Variants in TCF3 observed in about 807,000 individuals in gnomAD.
TCF3 encodes the protein transcription factor E2-alpha.
Under a neutral mutation model 72.3 loss-of-function variants are expected in TCF3, and 54 were observed. The ratio of observed to expected loss-of-function variants is 0.75; its 90% confidence interval spans 0.60 to 0.94. The LOEUF (loss-of-function observed/expected upper bound fraction) is 0.94. TCF3 is among the 40% of genes least tolerant of loss of function. TCF3 has a pLI of 0.00. For missense variants in TCF3, 1,078 were observed against 934.4 expected, an observed-to-expected ratio of 1.15 and a Z score of -2.00; for synonymous variants, 525 against 412.6, an observed-to-expected ratio of 1.27 and a Z score of -3.30.
chr19:1,636,696 C>A (rs1218034259), intron 3 of TCF3, among the ~76,000 whole-genome samples: 1 of 152,138 alleles, frequency 6.6e-6, no homozygotes, highest in African/African-American at 2.4e-5. Flanking sequence ...GTCGTGTCTT[C>A]TTGGTCAGGG....
At chr19:1,620,102 C>G (rs561672338) in intron 13 of TCF3, among the ~76,000 whole-genome samples, 1 of 152,268 alleles carries the variant, frequency 6.6e-6, no homozygotes, top group Admixed American at 6.5e-5. Context: ...ATCCAACTCC[C>G]CACTCAGAGG....
At chr19:1,619,725 T>C in intron 14 of TCF3, 55 bp downstream of exon 14, 1 of 1,288,134 alleles carries the variant, frequency 7.8e-7, no homozygotes, top group Non-Finnish European at 1.0e-6. Flanking sequence ...TCAAGGAGCG[T>C]CTGTCCTGCA....
rs1198119114 is a variant in TCF3, at chr19:1,619,949, C to A, written c.1094-96G>T. The A allele has an allele frequency of 2.7e-6, 3 of 1,129,632 alleles. No individual in the cohort carries two copies. The African/African-American group carries it at 4.6e-5, about 17-fold the overall frequency. 70.0% of individuals were successfully genotyped at this position (1,129,632 alleles called of 1,614,324 possible). A position where few individuals can be genotyped will look rare whatever the true frequency, so the allele number is the denominator to read the frequency against. ...GGGATTCATGAACCACCCCGCCTGT[C>A]CAGCCTCCGGTGATGCCCAAGATGG... On this transcript the variant is annotated intron_variant, in intron 13 of 18. Transcript: ENST00000262965.
intron 2 of TCF3, among the ~76,000 whole-genome samples, chr19:1,648,109 A>G (rs934697903): frequency 6.6e-6 from 1 of 152,214 alleles, no homozygotes; most frequent in Non-Finnish European, 1.5e-5. Context: ...GGGTCAGGGC[A>G]GGACAAAGGC....
intron 5 of TCF3, among the ~76,000 whole-genome samples, chr19:1,630,794 C>A (rs1217701263): frequency 6.6e-5 from 10 of 152,164 alleles, no homozygotes; most frequent in Admixed American, 3.3e-4. Flanking sequence ...TACCAGCCCC[C>A]CAAGCAGCGG....
In TCF3 at chr19:1,622,017, C is replaced by A. The variant is rs895245518; in HGVS notation, c.822+37G>T. 7 of 1,593,646 alleles carry A rather than the reference C, an allele frequency of 4.4e-6. No individual in the cohort carries two copies. In the Admixed American group the frequency reaches 5.2e-5, roughly 12 times the overall value. On this transcript the variant is annotated intron_variant, in intron 10 of 18. Coordinates refer to ENST00000262965, the MANE Select transcript of TCF3 (RefSeq NM_003200.5). ...GGGTGGGTTAGATGGGCACTGCCAC[C>A]CTCCGCCCACCCCCTGCCCCCTGCC...
chr19:1,650,172 C>G lies in TCF3; in HGVS notation c.72+5G>C. ...GTCGGGGGCTGGGCGGGGGTCCTGG[C>G]TCACCATGCTGAAGTCCAGGAGGTC... On this transcript the variant is annotated splice_donor_5th_base_variant and intron_variant, in intron 2 of 18. Coordinates refer to ENST00000262965, the MANE Select transcript of TCF3 (RefSeq NM_003200.5). The G allele has an allele frequency of 6.4e-7, 1 of 1,566,012 alleles. No individual in the cohort carries two copies. The highest frequency in any genetic ancestry group is 8.6e-7 in the Non-Finnish European group (1 of 1,156,708).
At position 1,631,245 on chromosome 19, in the gene TCF3, G is replaced by A. The variant is rs148393427; in HGVS notation, c.298+793C>T. Among the ~76,000 whole-genome samples, 1,143 of 151,118 alleles carry A rather than the reference G, an allele frequency of 7.6e-3. 12 individuals carry two copies. The highest frequency in any genetic ancestry group is 0.013 in the Non-Finnish European group (857 of 67,450). ...TTGCCCAGGTTCCGTGGTGGGGTGGGACCAGACACCAGGCCTGAGTCTTCA... is the reference window on the plus strand; with the variant it reads ...TTGCCCAGGTTCCGTGGTGGGGTGGAACCAGACACCAGGCCTGAGTCTTCA... On this transcript the variant is annotated intron_variant, in intron 5 of 18. Coordinates refer to ENST00000262965, the MANE Select transcript of TCF3 (RefSeq NM_003200.5).
In TCF3 at chr19:1,650,259, C is replaced by G. The variant is rs114650053; in HGVS notation, c.-11G>C. The G allele has an allele frequency of 1.7e-3, 2,605 of 1,556,646 alleles. 38 individuals carry two copies. The African/African-American group carries it at 0.032, about 19-fold the overall frequency. ...CTGCGGCTGGTTCATTCTCCTGGGG[C>G]CAGGGCGGGCACCTCAGGCCTGGAA... On this transcript the variant is annotated 5_prime_UTR_variant, in exon 2 of 19. Coordinates refer to ENST00000262965, the MANE Select transcript of TCF3 (RefSeq NM_003200.5).
intron 3 of TCF3, among the ~76,000 whole-genome samples, chr19:1,642,182 G>A (rs1473287270): frequency 3.5e-5 from 5 of 143,734 alleles, no homozygotes; most frequent in Non-Finnish European, 6.1e-5. Flanking sequence ...GTACACACAC[G>A]CACGCAGACA....
At chr19:1,622,592 T>C (rs915055383) in intron 8 of TCF3, among the ~76,000 whole-genome samples, 177 bp from the exon 9 acceptor site, 7 of 152,090 alleles carry the variant, frequency 4.6e-5, no homozygotes, top group Non-Finnish European at 1.0e-4. Context: ...GAGGTTCTTA[T>C]GATGTCCTGG....
At chr19:1,633,280 C>T (rs1245187986) in intron 3 of TCF3, among the ~76,000 whole-genome samples, 1 of 152,210 alleles carries the variant, frequency 6.6e-6, no homozygotes, top group Non-Finnish European at 1.5e-5. Context: ...AGTTGCTGCC[C>T]TGCCTTGGTT....
intron 3 of TCF3, among the ~76,000 whole-genome samples, chr19:1,638,536 G>C (rs1363885933): frequency 1.3e-5 from 2 of 152,112 alleles, no homozygotes; most frequent in Admixed American, 6.6e-5. Flanking sequence ...GCTGGCCTCG[G>C]ACAATGTTTT....
chr19:1,641,820 T>C (rs2065285908), intron 3 of TCF3, among the ~76,000 whole-genome samples: 1 of 152,078 alleles, frequency 6.6e-6, no homozygotes. Flanking sequence ...CTTGAACTCC[T>C]GGGCTCCGGC....
chr19:1,639,947 TAA>T (rs1281630286), intron 3 of TCF3, among the ~76,000 whole-genome samples: 2 of 152,038 alleles, frequency 1.3e-5, no homozygotes, highest in Non-Finnish European at 2.9e-5. Flanking sequence ...GAAATGCCGA[TAA>T]AGAGGAAAAT....
intron 5 of TCF3, 131 bp downstream of exon 5, chr19:1,631,907 G>C: frequency 6.5e-7 from 1 of 1,535,526 alleles, no homozygotes; most frequent in Non-Finnish European, 8.7e-7. Flanking sequence ...GACGGGCAGA[G>C]GCTTCGGCTG....
chr19:1,626,326 T>C (rs1186465826), intron 6 of TCF3, among the ~76,000 whole-genome samples: 4 of 152,044 alleles, frequency 2.6e-5, no homozygotes, highest in African/African-American at 7.3e-5. Flanking sequence ...GGCACATGCC[T>C]GTAATCCCAG....
Position 1,627,442 on chromosome 19 carries a change from G to A in TCF3, c.299-16C>T, listed in dbSNP as rs757591382. ...CCGCTCTTGCCTGCAAGGGGAGAAGGAAGGTTAGTGGGAGGCGACCCCAAG... is the reference window on the plus strand; with the variant it reads ...CCGCTCTTGCCTGCAAGGGGAGAAGAAAGGTTAGTGGGAGGCGACCCCAAG... On this transcript the variant is annotated splice_polypyrimidine_tract_variant and intron_variant, in intron 5 of 18. Coordinates refer to ENST00000262965, the MANE Select transcript of TCF3 (RefSeq NM_003200.5). 2.0e-5 allele frequency: 33 copies of A among 1,611,278 alleles called. No individual in the cohort carries two copies. The highest frequency in any genetic ancestry group is 2.5e-5 in the Non-Finnish European group (29 of 1,179,410).
chr19:1,635,531 C>A (rs999647724), intron 3 of TCF3, among the ~76,000 whole-genome samples: 1 of 152,040 alleles, frequency 6.6e-6, no homozygotes, highest in African/African-American at 2.4e-5. Context: ...CCCTTCCCAG[C>A]CTGGGACCCC....
Sources: allele counts gnomAD v4.1 joint callset (sites outside exome capture counted in the v4.1 genomes callset), GRCh38; gene constraint gnomAD v4.1.1; transcripts MANE v1.5; gene names NCBI Gene and HGNC (gene_info 2026-07-23, HGNC 2026-07-21).